GALNT5: variants seen among roughly 807,000 people sequenced by gnomAD.
The protein encoded by GALNT5 is UDP-GalNAc:polypeptide N-acetylgalactosaminyltransferase 5.
GALNT5 carries 72 observed loss-of-function variants against 85.4 expected under a neutral mutation model. The observed-to-expected ratio is 0.84, with a 90% CI of 0.70 to 1.03. GALNT5 has a LOEUF of 1.03. Among genes scored for constraint, GALNT5 ranks in the 50% least tolerant of loss-of-function variants. GALNT5 has a pLI of 0.00. For missense variants in GALNT5, 1,137 were observed against 1,135.5 expected (o/e 1.00, Z -0.02); for synonymous variants, 404 against 397.0 (o/e 1.02, Z -0.21).
chr2:157,289,318 T>A (rs576082973), intron 3 of GALNT5, among the ~76,000 whole-genome samples: 1 of 152,342 alleles, frequency 6.6e-6, no homozygotes, highest in South Asian at 2.1e-4. Flanking sequence ...AATCTGAATG[T>A]AAATTCAGAT....
chr2:157,308,071 T>C (rs1683491138), intron 8 of GALNT5, among the ~76,000 whole-genome samples: 1 of 152,164 alleles, frequency 6.6e-6, no homozygotes, highest in Admixed American at 6.5e-5. Flanking sequence ...ATGATGGTTT[T>C]ATACAAGGAA....
rs757900999 is a variant in GALNT5 at position 157,258,316 on chromosome 2, A to G, written c.234A>G (p.Leu78=). The G allele has an allele frequency of 3.1e-6, 5 of 1,598,284 alleles. No individual in the cohort carries two copies. In the South Asian group the frequency reaches 5.7e-5, roughly 18 times the overall value. The change falls in exon 1 of 10, where the codon CTA becomes CTG. Residue 78 remains leucine, a synonymous_variant. Coordinates refer to ENST00000259056, the MANE Select transcript of GALNT5 (RefSeq NM_014568.3). ...GCATAAAAGAGATGAAACCTCCCCT[A>G]AGGGGACATGGGAAAGGGGCATGGG... ...YSSIKEMKPP[L]RGHGKGAWGK...
chr2:157,258,746 C>G lies in GALNT5; in HGVS notation c.664C>G (p.Leu222Val), dbSNP rs766386766. 13 of 1,613,034 alleles carry G rather than the reference C, an allele frequency of 8.1e-6. No homozygotes were observed. The Admixed American group carries it at 2.0e-4, about 25-fold the overall frequency. ...AERDLNVTIS[L>V]STDRPKQRSQ... ...AAGGGACTTGAATGTGACCATCAGTCTTAGTACTGATAGACCAAAGCAGCG... is the reference window on the plus strand; with the variant it reads ...AAGGGACTTGAATGTGACCATCAGTGTTAGTACTGATAGACCAAAGCAGCG... Residue 222 changes from leucine to valine, a missense_variant, in exon 1 of 10, where the codon CTT becomes GTT. By Grantham distance (32) the Leu-to-Val change is conservative. Transcript: ENST00000259056.
chr2:157,295,551 C>A, intron 3 of GALNT5, 112 bp from the exon 4 acceptor site: 3 of 718,400 alleles, frequency 4.2e-6, no homozygotes, highest in East Asian at 2.7e-5. Context: ...AAAAAAAGGT[C>A]ACTGCATTTA....
At chr2:157,293,813 A>T (rs1683153200) in intron 3 of GALNT5, among the ~76,000 whole-genome samples, 1 of 152,240 alleles carries the variant, frequency 6.6e-6, no homozygotes, top group African/African-American at 2.4e-5. Flanking sequence ...AACTATCCTC[A>T]TCTTGTTCTC....
intron 2 of GALNT5, among the ~76,000 whole-genome samples, chr2:157,285,745 T>C (rs894906964): frequency 5.3e-5 from 8 of 152,168 alleles, no homozygotes; most frequent in Non-Finnish European, 1.2e-4. Flanking sequence ...CCTTGACAAA[T>C]ACTCAGAAAG....
chr2:157,282,274 C>T (rs1682872804), intron 1 of GALNT5, among the ~76,000 whole-genome samples: 2 of 151,884 alleles, frequency 1.3e-5, no homozygotes, highest in Admixed American at 1.3e-4. Flanking sequence ...TTAACTTTAT[C>T]TTGAGCTCAA....
At chr2:157,277,541 T>C (rs1682760280) in intron 1 of GALNT5, among the ~76,000 whole-genome samples, 1 of 152,252 alleles carries the variant, frequency 6.6e-6, no homozygotes, top group Admixed American at 6.5e-5. Flanking sequence ...TAGTTAGCTC[T>C]TCTTGTTCAA....
chr2:157,304,154 T>C (rs1482229063), intron 7 of GALNT5, among the ~76,000 whole-genome samples: 2 of 152,220 alleles, frequency 1.3e-5, no homozygotes, highest in African/African-American at 4.8e-5. Flanking sequence ...GAGATTATTC[T>C]ACCTTCATGT....
chr2:157,278,974 T>G (rs921793235), intron 1 of GALNT5, among the ~76,000 whole-genome samples: 2 of 152,236 alleles, frequency 1.3e-5, no homozygotes, highest in Non-Finnish European at 2.9e-5. Flanking sequence ...TGGTCTTTGA[T>G]GCTGGTGACC....
At position 157,263,854 on chromosome 2, in the gene GALNT5, TTC is replaced by T. The variant is rs1329547497; in HGVS notation, c.1454+4320_1454+4321del. On this transcript the variant is annotated intron_variant, in intron 1 of 9. Transcript: ENST00000259056. ...TAAAATCTGATTTAAGGCAAATACA[TTC>T]TGTTTAACACTATAATCTATTCATT... 2.6e-5 allele frequency among the ~76,000 whole-genome samples: 4 copies of T among 152,316 alleles called. No individual in the cohort carries two copies. In the East Asian group the frequency reaches 5.8e-4, roughly 22 times the overall value.
Position 157,290,112 on chromosome 2 carries a change from T to TATATATACACACAC in GALNT5, c.1741+3979_1741+3980insTATATACACACACA, listed in dbSNP as rs1416458086. Among the ~76,000 whole-genome samples the TATATATACACACAC allele has an allele frequency of 3.4e-3, 469 of 138,042 alleles. 5 individuals carry two copies. In the East Asian group the frequency reaches 0.038, roughly 11 times the overall value. 90.6% of individuals were successfully genotyped at this position (138,042 alleles called of 152,430 possible). Reference sequence around the variant, plus strand: ...GTATATATATATATATATATATATATACATACACAAACACATATATACATA... The same window carrying TATATATACACACAC: ...GTATATATATATATATATATATATATATATATACACACACACATACACAAACACATATATACATA... On this transcript the variant is annotated intron_variant, in intron 3 of 9. Coordinates refer to ENST00000259056, the MANE Select transcript of GALNT5 (RefSeq NM_014568.3).
At position 157,271,264 on chromosome 2, in the gene GALNT5, A is replaced by C. The variant is rs893634492; in HGVS notation, c.1454+11728A>C. Among the ~76,000 whole-genome samples the C allele has an allele frequency of 5.3e-5, 8 of 152,368 alleles. No individual in the cohort carries two copies. In the South Asian group the frequency reaches 8.3e-4, roughly 16 times the overall value. On this transcript the variant is annotated intron_variant, in intron 1 of 9. Transcript: ENST00000259056. Reference sequence around the variant, plus strand: ...AATAACAAAAGCTGGAGTGTTCTTCAGGGAACTGAAAGAAGGCCAAGGTGG... The same window carrying C: ...AATAACAAAAGCTGGAGTGTTCTTCCGGGAACTGAAAGAAGGCCAAGGTGG...
chr2:157,272,356 T>A (rs1682607945), intron 1 of GALNT5, among the ~76,000 whole-genome samples: 1 of 152,212 alleles, frequency 6.6e-6, no homozygotes, highest in Non-Finnish European at 1.5e-5. Context: ...CTTTCCCTCA[T>A]TTACCTTTTA....
chr2:157,266,789 C>T (rs1682467073), intron 1 of GALNT5, among the ~76,000 whole-genome samples: 1 of 152,110 alleles, frequency 6.6e-6, no homozygotes, highest in Non-Finnish European at 1.5e-5. Flanking sequence ...ACAGCTTTTC[C>T]TTCCTTTGTT....
intron 1 of GALNT5, among the ~76,000 whole-genome samples, chr2:157,263,215 T>C (rs1387929151): frequency 1.3e-5 from 2 of 148,396 alleles, no homozygotes; most frequent in Admixed American, 1.3e-4. Context: ...TTCTCCCCTT[T>C]GTGGTATAGC....
At chr2:157,275,630 T>A (rs186639169) in intron 1 of GALNT5, among the ~76,000 whole-genome samples, 18 of 152,338 alleles carry the variant, frequency 1.2e-4, no homozygotes, top group African/African-American at 3.8e-4. Flanking sequence ...TCTGTTTGTC[T>A]GCTATTCGTG....
Position 157,309,497 on chromosome 2 carries a change from G to A in GALNT5, c.2682+769G>A, listed in dbSNP as rs1683523986. Among the ~76,000 whole-genome samples, 3 of 152,164 alleles carry A rather than the reference G, an allele frequency of 2.0e-5. 1 individual carries two copies. The highest frequency in any genetic ancestry group is 2.0e-4 in the Admixed American group (3 of 15,268). On this transcript the variant is annotated intron_variant, in intron 9 of 9. Coordinates refer to ENST00000259056, the MANE Select transcript of GALNT5 (RefSeq NM_014568.3). ...GTCATAAGCCTTGGTGTAGGAGCTT[G>A]GGATTGGCGAGAATAGTCTCAGAAT...
In GALNT5 at chr2:157,314,649, A is replaced by G. The variant is rs1683656042; in HGVS notation, c.*3301A>G. On this transcript the variant is annotated 3_prime_UTR_variant, in exon 10 of 10. Transcript: ENST00000259056. ...TATAGGAGTCCAATATTCCCAACCA[A>G]CCTTGATTTCATGAATGGCTTGTAA... 6.6e-6 allele frequency among the ~76,000 whole-genome samples: 1 copy of G among 152,164 alleles called. No individual in the cohort carries two copies. The highest frequency in any genetic ancestry group is 6.5e-5 in the Admixed American group (1 of 15,268).
Sources: allele counts gnomAD v4.1 joint callset (sites outside exome capture counted in the v4.1 genomes callset), GRCh38; gene constraint gnomAD v4.1.1; transcripts MANE v1.5; gene names NCBI Gene and HGNC (gene_info 2026-07-23, HGNC 2026-07-21).